The following SNW1 variants were observed in gnomAD, a reference collection of about 807,000 sequenced individuals.
SNW1 encodes SNW domain-containing protein 1.
SNW1 carries 9 observed loss-of-function variants against 75.6 expected under a neutral mutation model. The ratio of observed to expected loss-of-function variants is 0.12; its 90% CI spans 0.07 to 0.21. SNW1 has a LOEUF of 0.21. SNW1 is among the 10% of genes least tolerant of loss of function. The probability of loss-of-function intolerance (pLI) is 1.00; values close to 1 mark genes in which losing one functional copy is unlikely to be tolerated. For missense variants in SNW1, 409 were observed against 670.9 expected (o/e 0.61, Z 4.31); for synonymous variants, 200 against 219.1 (o/e 0.91, Z 0.77).
At chr14:77,723,113 C>G (rs1031387467) in intron 11 of SNW1, 68 bp downstream of exon 11, 3 of 1,253,018 alleles carry the variant, frequency 2.4e-6, no homozygotes, top group Non-Finnish European at 3.5e-6. Flanking sequence ...TCCCAAAGTG[C>G]TGGGATTACA....
At chr14:77,722,652 T>C (rs1387503695) in intron 11 of SNW1, among the ~76,000 whole-genome samples, 2 of 152,180 alleles carry the variant, frequency 1.3e-5, no homozygotes, top group African/African-American at 2.4e-5. Context: ...ACTTAAGTGA[T>C]GGAAGATTAA....
At chr14:77,738,006 A>AAG (rs900019386) in intron 5 of SNW1, among the ~76,000 whole-genome samples, 23 of 150,726 alleles carry the variant, frequency 1.5e-4, no homozygotes, top group Middle Eastern at 3.4e-3. Context: ...AAAAAAAAAA[A>AAG]AAAAGAAAAT....
At chr14:77,743,435 A>G (rs2080734800) in intron 3 of SNW1, among the ~76,000 whole-genome samples, 1 of 152,150 alleles carries the variant, frequency 6.6e-6, no homozygotes. Flanking sequence ...CTCACCTCTT[A>G]TACCTAACAC....
At chr14:77,727,843 G>C (rs1276210269) in intron 10 of SNW1, among the ~76,000 whole-genome samples, 1 of 152,102 alleles carries the variant, frequency 6.6e-6, no homozygotes, top group Non-Finnish European at 1.5e-5. Context: ...ATGTTAGCCT[G>C]TGGTTTTCTT....
intron 11 of SNW1, chr14:77,722,572 TTAC>T (rs2080550599): frequency 4.7e-6 from 2 of 428,728 alleles, no homozygotes; most frequent in Admixed American, 3.0e-5. Flanking sequence ...CAGTCCAAAT[TTAC>T]TACTACATCC....
Position 77,717,644 on chromosome 14 carries a change from A to G in SNW1, c.*444T>C, listed in dbSNP as rs549098553. 3 of 1,385,570 alleles carry G rather than the reference A, an allele frequency of 2.2e-6. No individual in the cohort carries two copies. In the Admixed American group the frequency reaches 5.6e-5, roughly 26 times the overall value. 85.8% of individuals were successfully genotyped at this position (1,385,570 alleles called of 1,614,324 possible). On this transcript the variant is annotated 3_prime_UTR_variant, in exon 14 of 14. Transcript: ENST00000261531. Reference sequence around the variant, plus strand: ...TTGAAACAAATAGTTGCACCAAGCAAGAGGTTACTTTGCCCACTCCAAATT... The same window carrying G: ...TTGAAACAAATAGTTGCACCAAGCAGGAGGTTACTTTGCCCACTCCAAATT...
At chr14:77,746,805 AAAC>A (rs1478764786) in intron 3 of SNW1, among the ~76,000 whole-genome samples, 1 of 152,222 alleles carries the variant, frequency 6.6e-6, no homozygotes, top group Non-Finnish European at 1.5e-5. Flanking sequence ...CCATTCATGT[AAAC>A]AACAGTTTCT....
intron 10 of SNW1, among the ~76,000 whole-genome samples, chr14:77,730,627 T>A (rs79031523): frequency 1.3e-5 from 2 of 152,206 alleles, no homozygotes; most frequent in African/African-American, 4.8e-5. Context: ...AAACTCTGGA[T>A]TACTTCACCA....
At chr14:77,740,588 C>G (rs1162371033) in intron 3 of SNW1, among the ~76,000 whole-genome samples, 1 of 152,072 alleles carries the variant, frequency 6.6e-6, no homozygotes, top group Non-Finnish European at 1.5e-5. Context: ...CAATTCTAGG[C>G]CTTTACAGAG....
intron 3 of SNW1, among the ~76,000 whole-genome samples, chr14:77,749,235 T>C (rs778078967): frequency 1.3e-5 from 2 of 151,990 alleles, no homozygotes; most frequent in African/African-American, 2.4e-5. Context: ...ACAGAATGAT[T>C]AAAAGAAAAA....
intron 3 of SNW1, among the ~76,000 whole-genome samples, chr14:77,751,105 C>G (rs1174623923): frequency 6.6e-6 from 1 of 152,088 alleles, no homozygotes; most frequent in African/African-American, 2.4e-5. Flanking sequence ...GCCACCCAAG[C>G]AAGAGTGCAG....
chr14:77,750,075 C>G (rs1332176451), intron 3 of SNW1, among the ~76,000 whole-genome samples: 2 of 152,128 alleles, frequency 1.3e-5, no homozygotes, highest in East Asian at 3.9e-4. Flanking sequence ...GTGGTGCACA[C>G]CTGTGCTCTC....
At chr14:77,751,736 T>TG (rs963293099) in intron 2 of SNW1, among the ~76,000 whole-genome samples, 13 of 151,344 alleles carry the variant, frequency 8.6e-5, no homozygotes, top group African/African-American at 2.7e-4. Context: ...ATAGGGTGGT[T>TG]GGGGACAGCC....
intron 3 of SNW1, among the ~76,000 whole-genome samples, chr14:77,745,198 G>A (rs2080752091): frequency 1.3e-5 from 2 of 152,082 alleles, no homozygotes. Context: ...AGAGAAGAGG[G>A]ACACTCAGTC....
chr14:77,725,090 A>C (rs1480752647), intron 10 of SNW1, among the ~76,000 whole-genome samples: 1 of 152,146 alleles, frequency 6.6e-6, no homozygotes, highest in Non-Finnish European at 1.5e-5. Context: ...AATTTCCCTG[A>C]TGATTAGTGA....
chr14:77,725,593 C>T (rs1261791981), intron 10 of SNW1, among the ~76,000 whole-genome samples: 1 of 152,176 alleles, frequency 6.6e-6, no homozygotes, highest in East Asian at 1.9e-4. Flanking sequence ...ACTATCCTTT[C>T]CCCAATGTAT....
intron 10 of SNW1, among the ~76,000 whole-genome samples, chr14:77,725,681 G>C (rs2080579321): frequency 1.3e-5 from 2 of 152,192 alleles, no homozygotes; most frequent in African/African-American, 4.8e-5. Context: ...ACTTTGGGAG[G>C]CTGAGGCGGG....
At chr14:77,739,254 A>G (rs944841556) in intron 3 of SNW1, among the ~76,000 whole-genome samples, 193 bp from the exon 4 acceptor site, 3 of 152,190 alleles carry the variant, frequency 2.0e-5, no homozygotes, top group East Asian at 1.9e-4. Flanking sequence ...TAAGTTAGTA[A>G]TTTTCCCTTG....
intron 2 of SNW1, among the ~76,000 whole-genome samples, chr14:77,752,520 T>C (rs1266765217): frequency 6.6e-6 from 1 of 152,202 alleles, no homozygotes; most frequent in East Asian, 1.9e-4. Context: ...TGTAACTCTT[T>C]AACATCATTT....
Sources: allele counts gnomAD v4.1 joint callset (sites outside exome capture counted in the v4.1 genomes callset), GRCh38; gene constraint gnomAD v4.1.1; transcripts MANE v1.5; gene names NCBI Gene and HGNC (gene_info 2026-07-23, HGNC 2026-07-21).